The following ERC2 variants were observed in gnomAD, a reference collection of about 807,000 sequenced individuals.
ERC2 encodes ERC protein 2.
Under a neutral mutation model 114.8 loss-of-function variants are expected in ERC2, and 42 were observed. The ratio of observed to expected loss-of-function variants is 0.37; its 90% CI spans 0.29 to 0.47. The LOEUF (loss-of-function observed/expected upper bound fraction) is 0.47. Ranked by LOEUF, ERC2 falls within the 20% of genes least tolerant of loss-of-function variation. The pLI, the probability that ERC2 is intolerant of heterozygous loss-of-function variation, is 0.99. For missense variants in ERC2, 939 were observed against 1,150.7 expected, an observed-to-expected ratio of 0.82 and a Z score of 2.66; for synonymous variants, 454 against 425.5, an observed-to-expected ratio of 1.07 and a Z score of -0.82.
chr3:55,973,144 T>A (rs1292351496), intron 12 of ERC2, among the ~76,000 whole-genome samples: 1 of 152,164 alleles, frequency 6.6e-6, no homozygotes. Flanking sequence ...ACTGATTTTA[T>A]CTGGAGTAGA....
rs2051923439 is a variant in ERC2, at chr3:55,509,010, G to T, written c.*2306C>A. 6.6e-6 allele frequency: 1 copy of T among 152,520 alleles called. No homozygotes were observed. Among genetic ancestry groups the T allele is most frequent in the African/African-American group, 2.4e-5 (1 of 41,408 alleles). The allele number at this position is 152,520 out of a possible 1,614,324, so 9.4% of individuals were successfully genotyped here. On this transcript the variant is annotated 3_prime_UTR_variant, in exon 18 of 18. Transcript: ENST00000288221. ...AGACTATTCTTAATATGTGAAAAAG[G>T]GATATTTTTGGTAACCCCCAAACAT... is the stretch of plus-strand genomic sequence containing the variant.
rs1054087730 is a variant in ERC2, at chr3:55,995,073, G to A, written c.2062-2823C>T. On this transcript the variant is annotated intron_variant, in intron 10 of 17. Transcript: ENST00000288221. ...ACCTCGGCCGGGTGCGGTGGCTCAC[G>A]CCTGTAAACCCAGCACTTTGGGAGG... Among the ~76,000 whole-genome samples the A allele has an allele frequency of 4.6e-5, 7 of 152,246 alleles. No homozygotes were observed. The East Asian group carries it at 7.7e-4, about 17-fold the overall frequency.
chr3:55,806,004 T>C (rs1490553670), intron 14 of ERC2, among the ~76,000 whole-genome samples: 2 of 152,054 alleles, frequency 1.3e-5, no homozygotes, highest in African/African-American at 2.4e-5. Flanking sequence ...GAGCATACAA[T>C]AGAGTGCTGA....
At position 55,527,830 on chromosome 3, in the gene ERC2, C is replaced by T. The variant is rs192055405; in HGVS notation, c.*40-16554G>A. ...TCAGAGACTTGGGCACTATTTCATGCGTGGGTTTGGGCAGTCAACTCCCCT... is the reference window on the plus strand; with the variant it reads ...TCAGAGACTTGGGCACTATTTCATGTGTGGGTTTGGGCAGTCAACTCCCCT... On this transcript the variant is annotated intron_variant, in intron 17 of 17. Coordinates refer to ENST00000288221, the MANE Select transcript of ERC2 (RefSeq NM_015576.3). Among the ~76,000 whole-genome samples the T allele has an allele frequency of 1.1e-3, 160 of 152,212 alleles. 1 individual carries two copies. Among genetic ancestry groups the T allele is most frequent in the African/African-American group, 3.3e-3 (137 of 41,530 alleles).
At position 55,510,317 on chromosome 3, in the gene ERC2, TAC is replaced by T. The variant is rs2051994355; in HGVS notation, c.*997_*998del. On this transcript the variant is annotated 3_prime_UTR_variant, in exon 18 of 18. Coordinates refer to ENST00000288221, the MANE Select transcript of ERC2 (RefSeq NM_015576.3). ...CCTTCATTTACAGAAAATCTAAGCTTACACTGTTTGCACAGCATTTGGATCTT... is the reference window on the plus strand; with the variant it reads ...CCTTCATTTACAGAAAATCTAAGCTTACTGTTTGCACAGCATTTGGATCTT... The T allele has an allele frequency of 6.6e-6, 1 of 152,114 alleles. No homozygotes were observed. The highest frequency in any genetic ancestry group is 1.5e-5 in the Non-Finnish European group (1 of 68,002). The allele number at this position is 152,114 out of a possible 1,614,324, so 9.4% of individuals were successfully genotyped here. A position where few individuals can be genotyped will look rare whatever the true frequency, so the allele number is the denominator to read the frequency against.
At chr3:56,245,751 T>C (rs7653768) in intron 3 of ERC2, among the ~76,000 whole-genome samples, 85,083 of 151,408 alleles carry the variant, frequency 0.56, 24,492 homozygotes, top group East Asian at 0.84. Context: ...GCCATGTTGG[T>C]CAGGCTGGTC....
rs747993186 is a variant in ERC2, at chr3:56,007,334, G to A, written c.1921-13C>T. ...CAATTAAACTAGACTGAAAGAGAAA[G>A]AATGTGAGTGAGTAAAACACTGAAA... On this transcript the variant is annotated splice_polypyrimidine_tract_variant and intron_variant, in intron 9 of 17. Transcript: ENST00000288221. 1 of 1,588,560 alleles carries A rather than the reference G, an allele frequency of 6.3e-7. No individual in the cohort carries two copies. Among genetic ancestry groups the A allele is most frequent in the Admixed American group, 1.8e-5 (1 of 56,076 alleles).
intron 17 of ERC2, among the ~76,000 whole-genome samples, chr3:55,647,581 A>AAG (rs563024620): frequency 5.9e-5 from 9 of 152,154 alleles, no homozygotes; most frequent in East Asian, 3.9e-4. Flanking sequence ...AAATTAAAAA[A>AAG]AGAGAGAGAG....
chr3:55,546,034 G>A (rs1259502234), intron 17 of ERC2, among the ~76,000 whole-genome samples: 1 of 152,228 alleles, frequency 6.6e-6, no homozygotes, highest in African/African-American at 2.4e-5. Flanking sequence ...TGAGGACCCA[G>A]TGGTCAGGAG....
intron 14 of ERC2, among the ~76,000 whole-genome samples, chr3:55,793,743 C>T (rs2070248951): frequency 6.6e-6 from 1 of 151,934 alleles, no homozygotes; most frequent in South Asian, 2.1e-4. Flanking sequence ...ATTTAGGGCC[C>T]CCGTCTACAC....
In ERC2 at chr3:56,379,593, G is replaced by A. The variant is rs77081017; in HGVS notation, c.657+54758C>T. 2.4e-3 allele frequency among the ~76,000 whole-genome samples: 369 copies of A among 152,216 alleles called. 1 individual carries two copies. The highest frequency in any genetic ancestry group is 7.9e-3 in the African/African-American group (330 of 41,532). On this transcript the variant is annotated intron_variant, in intron 2 of 17. Transcript: ENST00000288221. ...TGGTGATGCTTGGATTTCAACTCGAGCAGTCTGACTCTACACTGCACACTC... is the reference window on the plus strand; with the variant it reads ...TGGTGATGCTTGGATTTCAACTCGAACAGTCTGACTCTACACTGCACACTC...
chr3:56,395,411 G>A (rs2060270769), intron 2 of ERC2, among the ~76,000 whole-genome samples: 1 of 152,012 alleles, frequency 6.6e-6, no homozygotes, highest in Non-Finnish European at 1.5e-5. Flanking sequence ...TTTGGTCTTC[G>A]ATTGTAATGT....
At chr3:56,193,026 T>G (rs550083072) in intron 3 of ERC2, among the ~76,000 whole-genome samples, 237 of 152,260 alleles carry the variant, frequency 1.6e-3, no homozygotes, top group South Asian at 2.9e-3. Context: ...TGACTCTCCT[T>G]TGTGTATAAC....
At chr3:56,086,686 GA>G (rs552574740) in intron 6 of ERC2, among the ~76,000 whole-genome samples, 3 of 151,828 alleles carry the variant, frequency 2.0e-5, no homozygotes, top group South Asian at 4.2e-4. Flanking sequence ...GATAAGGCAA[GA>G]AAAAATGCAT....
At chr3:55,990,535 C>A (rs1323800638) in intron 11 of ERC2, among the ~76,000 whole-genome samples, 1 of 152,020 alleles carries the variant, frequency 6.6e-6, no homozygotes, top group Admixed American at 6.6e-5. Flanking sequence ...AGTGATCCTC[C>A]TGTCTCAGCC....
At chr3:56,377,392 C>T (rs948106261) in intron 2 of ERC2, among the ~76,000 whole-genome samples, 12 of 152,160 alleles carry the variant, frequency 7.9e-5, no homozygotes, top group African/African-American at 2.4e-4. Context: ...TAAGACAGAT[C>T]TTTTGGGTCC....
chr3:55,636,548 A>T, intron 17 of ERC2, among the ~76,000 whole-genome samples: 1 of 152,216 alleles, frequency 6.6e-6, no homozygotes, highest in South Asian at 2.1e-4. Context: ...TGAACAAATG[A>T]GTGCATCGAT....
chr3:55,776,841 G>C (rs1233804515), intron 14 of ERC2, among the ~76,000 whole-genome samples: 1 of 152,164 alleles, frequency 6.6e-6, no homozygotes, highest in South Asian at 2.1e-4. Flanking sequence ...ACACACAAAC[G>C]CTAGGCAGTG....
chr3:55,715,725 A>T (rs1374201790), intron 15 of ERC2, among the ~76,000 whole-genome samples: 1 of 152,222 alleles, frequency 6.6e-6, no homozygotes, highest in African/African-American at 2.4e-5. Flanking sequence ...TGATTTGGAA[A>T]CTGGTAGAAA....
Sources: allele counts gnomAD v4.1 joint callset (sites outside exome capture counted in the v4.1 genomes callset), GRCh38; gene constraint gnomAD v4.1.1; transcripts MANE v1.5; gene names NCBI Gene and HGNC (gene_info 2026-07-23, HGNC 2026-07-21).